The following TMEM266 variants were observed in gnomAD, a reference collection of about 807,000 sequenced individuals.
TMEM266 encodes transmembrane protein 266.
Under a neutral mutation model 50.5 loss-of-function variants are expected in TMEM266, and 33 were observed. The ratio of observed to expected loss-of-function variants is 0.65; its 90% CI spans 0.50 to 0.87. The LOEUF (loss-of-function observed/expected upper bound fraction) is 0.87, where lower values mean the gene tolerates loss of function less well. Ranked by LOEUF, TMEM266 falls within the 40% of genes least tolerant of loss-of-function variation. The pLI, the probability that TMEM266 is intolerant of heterozygous loss-of-function variation, is 0.00. For synonymous variants in TMEM266, 310 were observed against 292.3 expected (o/e 1.06, Z -0.62); for missense variants, 655 against 695.1 (o/e 0.94, Z 0.65).
At position 76,204,543 on chromosome 15, in the gene TMEM266, G is replaced by A. The variant is rs911498781; in HGVS notation, c.*228G>A. 1.7e-5 allele frequency: 7 copies of A among 422,794 alleles called. No individual in the cohort carries two copies. Among genetic ancestry groups the A allele is most frequent in the Non-Finnish European group, 2.9e-5 (7 of 238,968 alleles). The allele number at this position is 422,794 out of a possible 1,614,324, so 26.2% of individuals were successfully genotyped here. On this transcript the variant is annotated 3_prime_UTR_variant, in exon 11 of 11. Coordinates refer to ENST00000388942, the MANE Select transcript of TMEM266 (RefSeq NM_152335.3). Reference sequence around the variant, plus strand: ...CCCTGCTCAGGGGAGGGTGGTGCTCGTGGCTGGGTTTTCTTTTTAACCATT... The same window carrying A: ...CCCTGCTCAGGGGAGGGTGGTGCTCATGGCTGGGTTTTCTTTTTAACCATT...
intron 1 of TMEM266, among the ~76,000 whole-genome samples, chr15:76,101,059 A>G (rs969240403): frequency 2.4e-4 from 36 of 151,572 alleles, no homozygotes; most frequent in African/African-American, 8.5e-4. Context: ...TGAGCTTTTA[A>G]TGGTGGTCTC....
chr15:76,173,285 G>A (rs540951209), intron 7 of TMEM266, among the ~76,000 whole-genome samples: 17 of 152,190 alleles, frequency 1.1e-4, no homozygotes, highest in Non-Finnish European at 2.4e-4. Context: ...GACTTGGAGA[G>A]AGGAAATGTG....
intron 7 of TMEM266, among the ~76,000 whole-genome samples, chr15:76,172,113 G>T (rs912483354): frequency 3.3e-5 from 5 of 152,120 alleles, no homozygotes; most frequent in East Asian, 3.9e-4. Flanking sequence ...TCCAAGAGAG[G>T]TCCCCCTAGA....
At chr15:76,067,648 AAG>A (rs1480439271) in intron 1 of TMEM266, among the ~76,000 whole-genome samples, 680 of 9,228 alleles carry the variant, frequency 0.074, 10 homozygotes, top group African/African-American at 0.13. Context: ...AAAAAAAAAA[AAG>A]AAAAGAAAAG....
Position 76,171,012 on chromosome 15 carries a change from T to C in TMEM266, c.533T>C (p.Ile178Thr). 6.2e-7 allele frequency: 1 copy of C among 1,612,972 alleles called. No individual in the cohort carries two copies. The highest frequency in any genetic ancestry group is 8.5e-7 in the Non-Finnish European group (1 of 1,179,646). The change falls in exon 7 of 11, where the codon ATC (isoleucine) becomes ACC (threonine). Residue 178 changes from isoleucine to threonine, a missense_variant. This residue lies in a region of TMEM266 where 101 missense variants were observed against 182.6 expected (regional missense o/e 0.55). Transcript: ENST00000388942. ...TCACAGGTGTTTGACGGGGCTGTGATCATCCTATCTTTGGCTCCGATGGTG... is the reference window on the plus strand; with the variant it reads ...TCACAGGTGTTTGACGGGGCTGTGACCATCCTATCTTTGGCTCCGATGGTG...
chr15:76,197,067 A>G (rs1303067368), intron 9 of TMEM266, among the ~76,000 whole-genome samples: 1 of 152,312 alleles, frequency 6.6e-6, no homozygotes, highest in Admixed American at 6.5e-5. Flanking sequence ...ACACTGCCGC[A>G]GGGGTGCATG....
chr15:76,153,889 G>T lies in TMEM266; in HGVS notation c.228-2715G>T, dbSNP rs2037883003. Among the ~76,000 whole-genome samples the T allele has an allele frequency of 6.6e-6, 1 of 152,184 alleles. No individual in the cohort carries two copies. The highest frequency in any genetic ancestry group is 2.1e-4 in the South Asian group (1 of 4,828). The stretch of plus-strand genomic sequence containing the variant: ...CGCTGTGCCGCTGGCACTGCTGCGG[G>T]CAGCAGCTTTAGGCTTCTGGGAGCC... On this transcript the variant is annotated intron_variant, in intron 3 of 10. Transcript: ENST00000388942. This position sits in a 1 kb window ranked among gnomAD's most constrained non-coding sequence, Gnocchi z 4.2.
chr15:76,119,236 G>A (rs1253951798), intron 1 of TMEM266, among the ~76,000 whole-genome samples: 2 of 151,934 alleles, frequency 1.3e-5, no homozygotes, highest in African/African-American at 4.8e-5. Flanking sequence ...ACTTGGTCAG[G>A]AACGCTATCA....
At chr15:76,073,376 G>A (rs996621389) in intron 1 of TMEM266, among the ~76,000 whole-genome samples, 1 of 151,690 alleles carries the variant, frequency 6.6e-6, no homozygotes, top group African/African-American at 2.4e-5. Flanking sequence ...GGGATTACAG[G>A]TACCCGCCAC....
intron 3 of TMEM266, among the ~76,000 whole-genome samples, chr15:76,150,265 C>G (rs1279480098): frequency 6.6e-6 from 1 of 152,186 alleles, no homozygotes; most frequent in Non-Finnish European, 1.5e-5. Flanking sequence ...TCTAGCAGAG[C>G]CTTCCTGAAG....
At chr15:76,190,335 T>C (rs2038549673) in intron 8 of TMEM266, among the ~76,000 whole-genome samples, 4 of 152,158 alleles carry the variant, frequency 2.6e-5, no homozygotes. Context: ...ATGAGACAAG[T>C]TGGTCAGGTG....
intron 1 of TMEM266, among the ~76,000 whole-genome samples, chr15:76,091,665 A>G (rs754090596): frequency 5.9e-5 from 9 of 152,032 alleles, no homozygotes; most frequent in Non-Finnish European, 1.3e-4. Flanking sequence ...TATAAGAAGT[A>G]GGCAATGAGA....
chr15:76,179,425 C>G (rs1431058321), intron 8 of TMEM266, among the ~76,000 whole-genome samples: 4 of 152,232 alleles, frequency 2.6e-5, no homozygotes, highest in African/African-American at 7.2e-5. Context: ...GCAGTGGCAG[C>G]TCGCCTTGGG....
chr15:76,064,927 G>T (rs1469742797), intron 1 of TMEM266, among the ~76,000 whole-genome samples: 1 of 152,076 alleles, frequency 6.6e-6, no homozygotes, highest in Non-Finnish European at 1.5e-5. Flanking sequence ...TCCCACCCTG[G>T]TTACACAATT....
Position 76,133,199 on chromosome 15 carries a change from C to T in TMEM266, c.-96-969C>T, listed in dbSNP as rs139600011. ...CTGTAATCCCAGCACTTTGGGAGGC[C>T]GAGGCGGGCGGATCACCTGAGGTTA... On this transcript the variant is annotated intron_variant, in intron 1 of 10. Transcript: ENST00000388942. 5.8e-3 allele frequency among the ~76,000 whole-genome samples: 874 copies of T among 151,790 alleles called. 14 individuals carry two copies. The highest frequency in any genetic ancestry group is 0.02 in the African/African-American group (836 of 41,384).
At chr15:76,194,786 A>G (rs1001835007) in intron 9 of TMEM266, among the ~76,000 whole-genome samples, 3 of 152,050 alleles carry the variant, frequency 2.0e-5, no homozygotes, top group Non-Finnish European at 4.4e-5. Flanking sequence ...TCCCTTTTTT[A>G]TAAGGGCCCC....
chr15:76,178,000 GA>G, intron 8 of TMEM266, among the ~76,000 whole-genome samples: 1 of 152,390 alleles, frequency 6.6e-6, no homozygotes, highest in African/African-American at 2.4e-5. Flanking sequence ...CTGCCAGGCA[GA>G]GGGAACAGTG....
chr15:76,072,589 G>C (rs1328220620), intron 1 of TMEM266, among the ~76,000 whole-genome samples: 1 of 152,038 alleles, frequency 6.6e-6, no homozygotes, highest in Non-Finnish European at 1.5e-5. Context: ...GTCCAATGAT[G>C]GGATTGGGCT....
intron 4 of TMEM266, among the ~76,000 whole-genome samples, chr15:76,158,490 G>A (rs766138100): frequency 4.2e-4 from 64 of 152,054 alleles, no homozygotes; most frequent in Admixed American, 7.2e-4. Context: ...TCGGCTGCTC[G>A]GGCTGTGACA....
Sources: allele counts gnomAD v4.1 joint callset (sites outside exome capture counted in the v4.1 genomes callset), GRCh38; gene constraint gnomAD v4.1.1; regional missense constraint gnomAD v4.1.1; non-coding constraint Gnocchi (gnomAD v3.1); transcripts MANE v1.5; gene names NCBI Gene and HGNC (gene_info 2026-07-23, HGNC 2026-07-21).